GALNT14: variants seen among roughly 807,000 people sequenced by gnomAD.
GALNT14 encodes polypeptide N-acetylgalactosaminyltransferase 14.
Under a neutral mutation model 77.5 loss-of-function variants are expected in GALNT14, and 60 were observed. That is an observed-to-expected ratio of 0.77 (90% CI 0.63 to 0.96). The LOEUF (loss-of-function observed/expected upper bound fraction) is 0.96, where lower values mean the gene tolerates loss of function less well. Among genes scored for constraint, GALNT14 ranks in the 40% least tolerant of loss-of-function variants. The pLI, the probability that GALNT14 is intolerant of heterozygous loss-of-function variation, is 0.00. For missense variants in GALNT14, 710 were observed against 731.0 expected (o/e 0.97, Z 0.33); for synonymous variants, 280 against 281.7 (o/e 0.99, Z 0.06).
chr2:31,061,728 A>G (rs1038061963), intron 1 of GALNT14, among the ~76,000 whole-genome samples: 9 of 152,312 alleles, frequency 5.9e-5, no homozygotes, highest in Non-Finnish European at 1.2e-4. Context: ...TAGGCTCAGC[A>G]ATGCCTGCAA....
chr2:31,119,509 C>A (rs1678279734), intron 1 of GALNT14, among the ~76,000 whole-genome samples: 1 of 152,162 alleles, frequency 6.6e-6, no homozygotes, highest in Non-Finnish European at 1.5e-5. Flanking sequence ...ACAATTGGAT[C>A]CCGTTTCATA....
intron 3 of GALNT14, among the ~76,000 whole-genome samples, chr2:30,963,896 G>A (rs1021661823): frequency 1.3e-5 from 2 of 152,184 alleles, no homozygotes; most frequent in East Asian, 1.9e-4. Context: ...CACTAAGTAC[G>A]ATTAGTATTC....
At chr2:31,014,352 T>C (rs1671212358) in intron 1 of GALNT14, among the ~76,000 whole-genome samples, 1 of 152,100 alleles carries the variant, frequency 6.6e-6, no homozygotes, top group Non-Finnish European at 1.5e-5. Flanking sequence ...GGTTGCTGTA[T>C]CAATTCACAA....
chr2:31,138,166 C>A lies in GALNT14; in HGVS notation c.-80G>T. On this transcript the variant is annotated 5_prime_UTR_variant, in exon 1 of 15. Transcript: ENST00000349752. ...CGGTCAGGGTTGGCGGGGCAGGAGT[C>A]CTGGCGAGCGCCTCGCTCTGGGGAG... 3.8e-6 allele frequency: 6 copies of A among 1,584,604 alleles called. No individual in the cohort carries two copies. The highest frequency in any genetic ancestry group is 5.2e-6 in the Non-Finnish European group (6 of 1,157,792).
At chr2:31,078,981 G>A (rs1377029378) in intron 1 of GALNT14, 1 of 1,289,194 alleles carries the variant, frequency 7.8e-7, no homozygotes, top group Non-Finnish European at 1.0e-6. Flanking sequence ...CTGGGAGGGA[G>A]AGCAGGGGAG....
At chr2:30,923,488 T>C (rs1342619296) in intron 13 of GALNT14, among the ~76,000 whole-genome samples, 3 of 152,146 alleles carry the variant, frequency 2.0e-5, no homozygotes, top group East Asian at 1.9e-4. Context: ...GGAGATACTT[T>C]GTTGATCAAT....
At chr2:31,074,492 G>A (rs1394891149) in intron 1 of GALNT14, among the ~76,000 whole-genome samples, 1 of 151,996 alleles carries the variant, frequency 6.6e-6, no homozygotes. Flanking sequence ...TGGGCTGGGC[G>A]GGTTGATCTG....
chr2:30,906,766 GCAC>G (rs1026913278), downstream of GALNT14, among the ~76,000 whole-genome samples: 1 of 151,982 alleles, frequency 6.6e-6, no homozygotes, highest in African/African-American at 2.4e-5. Context: ...ATTTTTTTCA[GCAC>G]CACACCACAC....
intron 2 of GALNT14, among the ~76,000 whole-genome samples, chr2:30,975,316 C>T (rs143056424): frequency 6.8e-4 from 104 of 152,300 alleles, no homozygotes; most frequent in African/African-American, 2.4e-3. Flanking sequence ...CTGAAGCCTT[C>T]GACAGACTGA....
At chr2:31,108,478 C>G (rs1424745271) in intron 1 of GALNT14, among the ~76,000 whole-genome samples, 1 of 152,172 alleles carries the variant, frequency 6.6e-6, no homozygotes, top group African/African-American at 2.4e-5. Context: ...CTGAAAACAT[C>G]TCTAGCTGAC....
intron 1 of GALNT14, among the ~76,000 whole-genome samples, chr2:31,023,417 T>C (rs1671850090): frequency 6.6e-6 from 1 of 152,142 alleles, no homozygotes; most frequent in Non-Finnish European, 1.5e-5. Flanking sequence ...CCCTCTCTGC[T>C]GGACCACTCC....
chr2:30,888,367 A>C, the GALNT14 span, among the ~76,000 whole-genome samples: 1 of 152,232 alleles, frequency 6.6e-6, no homozygotes, highest in African/African-American at 2.4e-5. Context: ...ACTACAGAGA[A>C]TAGTGTGATG....
At position 31,135,733 on chromosome 2, in the gene GALNT14, C is replaced by T. The variant is rs185546538; in HGVS notation, c.129+2225G>A. ...CTAAACCACTCCCCACCTTAAAGTACCACTCATTTGTTGGTAATTCTGCCT... is the reference window on the plus strand; with the variant it reads ...CTAAACCACTCCCCACCTTAAAGTATCACTCATTTGTTGGTAATTCTGCCT... On this transcript the variant is annotated intron_variant, in intron 1 of 14. Transcript: ENST00000349752. Among the ~76,000 whole-genome samples, 302 of 152,302 alleles carry T rather than the reference C, an allele frequency of 2.0e-3. 1 individual carries two copies. Among genetic ancestry groups the T allele is most frequent in the African/African-American group, 7.1e-3 (294 of 41,558 alleles).
intron 1 of GALNT14, among the ~76,000 whole-genome samples, chr2:31,069,633 T>C (rs914533191): frequency 5.3e-5 from 8 of 152,136 alleles, no homozygotes; most frequent in Non-Finnish European, 1.2e-4. Flanking sequence ...CCAGGAGCCT[T>C]CATTTATGGC....
Position 30,966,141 on chromosome 2 carries a change from G to A in GALNT14, c.398+63C>T, listed in dbSNP as rs1667989575. ...TAGTACAGCGCTGGGCACCTGGGGA[G>A]CAGACACACTGTCACCAAGTGCTGG... On this transcript the variant is annotated intron_variant, in intron 3 of 14. Transcript: ENST00000349752. The A allele has an allele frequency of 1.2e-5, 16 of 1,288,222 alleles. No homozygotes were observed. In the South Asian group the frequency reaches 1.7e-4, roughly 14 times the overall value. 79.8% of individuals were successfully genotyped at this position (1,288,222 alleles called of 1,614,324 possible).
intron 1 of GALNT14, among the ~76,000 whole-genome samples, chr2:31,119,161 A>G (rs1236004246): frequency 6.6e-6 from 1 of 152,190 alleles, no homozygotes; most frequent in Non-Finnish European, 1.5e-5. Flanking sequence ...AGGACTTACG[A>G]TGATCTTTTT....
At position 31,010,577 on chromosome 2, in the gene GALNT14, T is replaced by G. The variant is rs545230670; in HGVS notation, c.130-17570A>C. Among the ~76,000 whole-genome samples the G allele has an allele frequency of 4.4e-3, 670 of 152,308 alleles. 5 individuals are homozygous for G. Among genetic ancestry groups the G allele is most frequent in the Non-Finnish European group, 6.9e-3 (468 of 68,020 alleles). ...TTGCAGTGAGCCGGGATTGCGCCACTGCACTCCAGCCTGGGCAACAGAGAG... is the reference window on the plus strand; with the variant it reads ...TTGCAGTGAGCCGGGATTGCGCCACGGCACTCCAGCCTGGGCAACAGAGAG... On this transcript the variant is annotated intron_variant, in intron 1 of 14. Coordinates refer to ENST00000349752, the MANE Select transcript of GALNT14 (RefSeq NM_024572.4).
At chr2:31,015,231 G>T (rs1004647547) in intron 1 of GALNT14, among the ~76,000 whole-genome samples, 5 of 150,726 alleles carry the variant, frequency 3.3e-5, no homozygotes, top group Admixed American at 6.6e-5. Flanking sequence ...GGCTGAGGTT[G>T]CAGTGAGCCA....
rs756238746 is a variant in GALNT14 at position 30,932,079 on chromosome 2, G to A, written c.1047C>T (p.Asn349=). 6.4e-7 allele frequency: 1 copy of A among 1,567,366 alleles called. No individual in the cohort carries two copies. Among genetic ancestry groups the A allele is most frequent in the Non-Finnish European group, 8.6e-7 (1 of 1,156,648 alleles). ...CCCTGGGCACTTACTTTATATACGT[G>A]TTGGCATTTCCATCAGGGAAAACGT... ...HPYVFPDGNA[N]TYIKNTKRTA... The change falls in exon 10 of 15, where the codon AAC becomes AAT. Residue 349 remains asparagine (N), a synonymous_variant. Coordinates refer to ENST00000349752, the MANE Select transcript of GALNT14 (RefSeq NM_024572.4).
Sources: gnomAD v4.1 joint callset for allele counts (sites outside exome capture counted in the v4.1 genomes callset) on GRCh38, gnomAD v4.1.1 for gene constraint, MANE v1.5 for transcripts, NCBI Gene and HGNC (gene_info 2026-07-23, HGNC 2026-07-21) for gene names.